Variants in PTPRN2 observed in about 807,000 individuals in gnomAD.
The protein encoded by PTPRN2 is receptor-type tyrosine-protein phosphatase N2.
PTPRN2 carries 74 observed loss-of-function variants against 118.8 expected under a neutral mutation model. The ratio of observed to expected loss-of-function variants is 0.62; its 90% confidence interval spans 0.52 to 0.76. The LOEUF is 0.76. Ranked by LOEUF, PTPRN2 falls within the 30% of genes least tolerant of loss-of-function variation. The pLI, the probability that PTPRN2 is intolerant of heterozygous loss-of-function variation, is 0.00. For missense variants in PTPRN2, 1,481 were observed against 1,394.4 expected, an observed-to-expected ratio of 1.06 and a Z score of -0.99; for synonymous variants, 641 against 608.0, an observed-to-expected ratio of 1.05 and a Z score of -0.80.
At chr7:158,221,320 G>A (rs1379736035) in intron 3 of PTPRN2, among the ~76,000 whole-genome samples, 1 of 151,052 alleles carries the variant, frequency 6.6e-6, no homozygotes, top group Admixed American at 6.6e-5. Context: ...AAGATTTAAT[G>A]ATGACATCTC....
At chr7:158,181,642 T>TA (rs1283765188) in intron 5 of PTPRN2, among the ~76,000 whole-genome samples, 1 of 152,198 alleles carries the variant, frequency 6.6e-6, no homozygotes, top group Non-Finnish European at 1.5e-5. Context: ...TCAGGGTTTT[T>TA]ATTCCTTCCT....
intron 6 of PTPRN2, among the ~76,000 whole-genome samples, chr7:158,143,489 G>A (rs532767653): frequency 1.1e-3 from 166 of 152,308 alleles, no homozygotes; most frequent in African/African-American, 3.8e-3. Context: ...TGTCAGAGTC[G>A]GCCCGGCCAT....
chr7:157,840,383 C>T (rs1302759473), intron 12 of PTPRN2, among the ~76,000 whole-genome samples: 5 of 126,888 alleles, frequency 3.9e-5, no homozygotes, highest in South Asian at 2.7e-4. Context: ...ACTGTGTGAC[C>T]GCGTGTGACT....
intron 2 of PTPRN2, among the ~76,000 whole-genome samples, chr7:158,333,328 TG>T (rs1804874211): frequency 1.4e-5 from 2 of 139,754 alleles, no homozygotes; most frequent in Non-Finnish European, 3.1e-5. Flanking sequence ...ACACCCACAC[TG>T]TCACCATAAG....
chr7:158,488,555 C>T (rs1821198133), intron 2 of PTPRN2, among the ~76,000 whole-genome samples: 1 of 152,216 alleles, frequency 6.6e-6, no homozygotes, highest in African/African-American at 2.4e-5. Context: ...CTCGGTTTCG[C>T]TTCTCAGACC....
intron 5 of PTPRN2, among the ~76,000 whole-genome samples, chr7:158,189,459 G>T (rs1825584848): frequency 6.6e-6 from 1 of 152,176 alleles, no homozygotes; most frequent in African/African-American, 2.4e-5. Context: ...CCCATCCAAG[G>T]CACATTGGAC....
intron 11 of PTPRN2, among the ~76,000 whole-genome samples, chr7:157,963,949 G>C (rs1801719528): frequency 6.6e-6 from 1 of 152,196 alleles, no homozygotes; most frequent in Non-Finnish European, 1.5e-5. Context: ...GCCTCCCAAA[G>C]TGCTGGGATT....
chr7:158,310,480 G>T (rs1586200098), intron 3 of PTPRN2, among the ~76,000 whole-genome samples: 1 of 152,224 alleles, frequency 6.6e-6, no homozygotes, highest in South Asian at 2.1e-4. Flanking sequence ...CATGCTCTGG[G>T]CTCCTGTGGA....
At chr7:157,567,001 A>G (rs1229273435) in intron 21 of PTPRN2, among the ~76,000 whole-genome samples, 4 of 152,228 alleles carry the variant, frequency 2.6e-5, no homozygotes, top group African/African-American at 9.6e-5. Flanking sequence ...AAACACTTAC[A>G]TCAAATGATC....
At chr7:157,718,236 A>G (rs2150907066) in intron 12 of PTPRN2, among the ~76,000 whole-genome samples, 1 of 152,374 alleles carries the variant, frequency 6.6e-6, no homozygotes, top group African/African-American at 2.4e-5. Context: ...AGAGTTTTTG[A>G]ACTATCAGCT....
chr7:157,595,304 G>T lies in PTPRN2; in HGVS notation c.2430C>A (p.Asp810Glu). ...TGGCGATGTACGCGGGGTTCCTCGG[G>T]TCGTGATCCATCTGCAGAGACAAGA... ...YINASPIMDH[D>E]PRNPAYIATQ... Residue 810 changes from aspartate (D) to glutamate (E), a missense_variant, in exon 17 of 23, where the codon GAC becomes GAA. By Grantham distance (45) the Asp-to-Glu change is conservative (BLOSUM62 2). This residue lies in a region of PTPRN2 where 362 missense variants were observed against 384.1 expected (regional missense o/e 0.94). Coordinates refer to ENST00000389418, the MANE Select transcript of PTPRN2 (RefSeq NM_002847.5). The T allele has an allele frequency of 6.2e-7, 1 of 1,614,208 alleles. No homozygotes were observed. The highest frequency in any genetic ancestry group is 8.5e-7 in the Non-Finnish European group (1 of 1,180,030).
chr7:157,932,704 T>C (rs1799432127), intron 11 of PTPRN2, among the ~76,000 whole-genome samples: 1 of 151,376 alleles, frequency 6.6e-6, no homozygotes, highest in Non-Finnish European at 1.5e-5. Flanking sequence ...TCATTCTGAT[T>C]GACAGTTTAA....
At chr7:157,830,473 C>T (rs7779416) in intron 12 of PTPRN2, among the ~76,000 whole-genome samples, 20,579 of 151,908 alleles carry the variant, frequency 0.14, 2,589 homozygotes, top group African/African-American at 0.33. Context: ...GCCGTGCACC[C>T]GCTGTGGCTG....
chr7:157,919,814 A>C (rs1798601685), intron 11 of PTPRN2, among the ~76,000 whole-genome samples: 1 of 152,238 alleles, frequency 6.6e-6, no homozygotes, highest in Non-Finnish European at 1.5e-5. Context: ...AACCACATAC[A>C]CCCACAAGTG....
At chr7:158,450,295 C>G (rs941197065) in intron 2 of PTPRN2, among the ~76,000 whole-genome samples, 6 of 152,246 alleles carry the variant, frequency 3.9e-5, no homozygotes, top group Non-Finnish European at 8.8e-5. Context: ...CTTCTACACA[C>G]TGAGTTCAAT....
chr7:158,115,116 A>G (rs1314882056), intron 9 of PTPRN2, among the ~76,000 whole-genome samples: 1 of 152,168 alleles, frequency 6.6e-6, no homozygotes, highest in Non-Finnish European at 1.5e-5. Context: ...GCAATGAGCT[A>G]TGATTGCACC....
In PTPRN2 at chr7:157,784,994, C is replaced by T. The variant is rs1008023213; in HGVS notation, c.1789-102057G>A. Among the ~76,000 whole-genome samples the T allele has an allele frequency of 2.6e-5, 4 of 152,180 alleles. No individual in the cohort carries two copies. Among genetic ancestry groups the T allele is most frequent in the East Asian group, 1.9e-4 (1 of 5,186 alleles). On this transcript the variant is annotated intron_variant, in intron 12 of 22. Transcript: ENST00000389418. The surrounding 1 kb of genome is among the most constrained non-coding windows in gnomAD (Gnocchi z 4.6). ...AGGGAGCCGAGGCCCTCTGTCCAGG[C>T]GGCTGAGGTCACGCGGTCTCTTCAG...
At chr7:158,295,191 C>CAT (rs1275189744) in intron 3 of PTPRN2, among the ~76,000 whole-genome samples, 6 of 115,276 alleles carry the variant, frequency 5.2e-5, no homozygotes, top group African/African-American at 1.0e-4. Flanking sequence ...GGTTCACCTG[C>CAT]CTTTCTGAGG....
intron 15 of PTPRN2, among the ~76,000 whole-genome samples, chr7:157,620,567 G>A (rs948120579): frequency 1.3e-5 from 2 of 152,210 alleles, no homozygotes; most frequent in Non-Finnish European, 2.9e-5. Context: ...CTTCAAGGAC[G>A]ACAGCGTGAC....
Sources: allele counts gnomAD v4.1 joint callset (sites outside exome capture counted in the v4.1 genomes callset), GRCh38; gene constraint gnomAD v4.1.1; regional missense constraint gnomAD v4.1.1; non-coding constraint Gnocchi (gnomAD v3.1); transcripts MANE v1.5; gene names NCBI Gene and HGNC (gene_info 2026-07-23, HGNC 2026-07-21).